ACTR3C: variants seen among roughly 807,000 people sequenced by gnomAD.
ACTR3C encodes the protein actin-related protein 3C.
ACTR3C carries 18 observed loss-of-function variants against 26.3 expected under a neutral mutation model. The observed-to-expected ratio is 0.68, with a 90% confidence interval of 0.47 to 1.01. The LOEUF (loss-of-function observed/expected upper bound fraction) is 1.01. Ranked by LOEUF, ACTR3C falls within the 50% of genes least tolerant of loss-of-function variation. The probability of loss-of-function intolerance (pLI) is 0.00; values close to 1 mark genes in which losing one functional copy is unlikely to be tolerated. For synonymous variants in ACTR3C, 55 were observed against 94.5 expected (o/e 0.58, Z 2.42); for missense variants, 184 against 250.7 (o/e 0.73, Z 1.80).
the ACTR3C span, among the ~76,000 whole-genome samples, chr7:150,231,054 TCTC>T: frequency 6.6e-6 from 1 of 152,316 alleles, no homozygotes; most frequent in Non-Finnish European, 1.5e-5. Flanking sequence ...TGGATCTTCT[TCTC>T]TTATATATTC....
the ACTR3C span, among the ~76,000 whole-genome samples, chr7:150,200,022 A>C: frequency 3.3e-5 from 5 of 152,236 alleles, no homozygotes; most frequent in African/African-American, 1.2e-4. Flanking sequence ...ATCAATGGGT[A>C]CAAGACCGAC....
At chr7:149,966,906 G>A in the ACTR3C span, among the ~76,000 whole-genome samples, 7 of 151,340 alleles carry the variant, frequency 4.6e-5, no homozygotes, top group South Asian at 8.4e-4. Context: ...CTGTCACCCC[G>A]ACTGGAGTGC....
the ACTR3C span, among the ~76,000 whole-genome samples, chr7:150,168,749 A>T: frequency 2.0e-5 from 3 of 150,758 alleles, no homozygotes; most frequent in Non-Finnish European, 4.4e-5. Flanking sequence ...AAGAGGCCCC[A>T]TCTCCAGCCC....
At chr7:150,150,308 G>A in the ACTR3C span, among the ~76,000 whole-genome samples, 10 of 152,292 alleles carry the variant, frequency 6.6e-5, no homozygotes, top group East Asian at 1.9e-4. Context: ...ATTTAGCATC[G>A]CTTGTTGACT....
intron 4 of ACTR3C, among the ~76,000 whole-genome samples, chr7:150,288,444 C>A (rs561938532): frequency 1.5e-5 from 2 of 134,388 alleles, no homozygotes; most frequent in South Asian, 5.7e-4. Flanking sequence ...GAGACGAGAT[C>A]TCGCTATATC....
At chr7:149,982,566 G>A in the ACTR3C span, among the ~76,000 whole-genome samples, 2 of 152,104 alleles carry the variant, frequency 1.3e-5, no homozygotes, top group African/African-American at 4.8e-5. Context: ...CTTCCTCAAG[G>A]AAACTCAGCC....
intron 6 of ACTR3C, among the ~76,000 whole-genome samples, chr7:150,256,173 T>C (rs1344471193): frequency 2.0e-5 from 3 of 152,228 alleles, no homozygotes; most frequent in Non-Finnish European, 4.4e-5. Context: ...CAGTCCTCCA[T>C]GGATGGACAT....
the ACTR3C span, among the ~76,000 whole-genome samples, chr7:150,139,606 T>C: frequency 2.6e-5 from 4 of 152,290 alleles, no homozygotes; most frequent in Non-Finnish European, 5.9e-5. Flanking sequence ...TTCTTAAAAA[T>C]AGCTCAGAGC....
At chr7:150,039,786 A>G in the ACTR3C span, among the ~76,000 whole-genome samples, 9 of 88,742 alleles carry the variant, frequency 1.0e-4, no homozygotes, top group Non-Finnish European at 2.3e-4. Flanking sequence ...CAGGGGGGGA[A>G]GAGGGACTGG....
chr7:150,201,266 G>A, the ACTR3C span, among the ~76,000 whole-genome samples: 1 of 152,272 alleles, frequency 6.6e-6, no homozygotes, highest in East Asian at 1.9e-4. Context: ...GGCCACATCT[G>A]TTCCAGGTGT....
At chr7:150,150,450 A>G in the ACTR3C span, among the ~76,000 whole-genome samples, 1 of 151,648 alleles carries the variant, frequency 6.6e-6, no homozygotes, top group Non-Finnish European at 1.5e-5. Flanking sequence ...TCACCCTCTT[A>G]GTGTCAAATC....
chr7:150,066,338 G>A, the ACTR3C span, among the ~76,000 whole-genome samples: 3 of 152,196 alleles, frequency 2.0e-5, no homozygotes, highest in Admixed American at 6.5e-5. Context: ...AACTGGAACA[G>A]GCCTCATGCC....
At chr7:150,221,274 T>TTCTTTC in the ACTR3C span, among the ~76,000 whole-genome samples, 1 of 150,918 alleles carries the variant, frequency 6.6e-6, no homozygotes, top group Non-Finnish European at 1.5e-5. Flanking sequence ...AAGAGTTTTT[T>TTCTTTC]TTTCTTTCTT....
the ACTR3C span, among the ~76,000 whole-genome samples, chr7:150,037,751 CA>C: frequency 8.9e-4 from 40 of 44,850 alleles, no homozygotes; most frequent in Middle Eastern, 0.015. Context: ...TCTCAGTCCC[CA>C]CCCTCGCGGG....
chr7:150,308,668 C>T (rs1345909069), intron 1 of ACTR3C, among the ~76,000 whole-genome samples: 1 of 152,014 alleles, frequency 6.6e-6, no homozygotes, highest in Non-Finnish European at 1.5e-5. Flanking sequence ...CACTCCTTGA[C>T]AGGCTGAATC....
chr7:150,121,329 C>A, the ACTR3C span, among the ~76,000 whole-genome samples: 189 of 152,240 alleles, frequency 1.2e-3, no homozygotes, highest in African/African-American at 4.2e-3. Flanking sequence ...ATTTAGAAAA[C>A]CCCATTGCCT....
At chr7:149,970,622 G>C in the ACTR3C span, among the ~76,000 whole-genome samples, 1 of 152,102 alleles carries the variant, frequency 6.6e-6, no homozygotes, top group South Asian at 2.1e-4. Context: ...CTTAAAGGTC[G>C]ATTTCCCCTT....
chr7:150,179,390 G>T, the ACTR3C span, among the ~76,000 whole-genome samples: 1 of 121,660 alleles, frequency 8.2e-6, no homozygotes, highest in African/African-American at 3.6e-5. Context: ...TTTCAGTTAA[G>T]ATCCTTCCAG....
the ACTR3C span, among the ~76,000 whole-genome samples, chr7:150,034,224 G>A: frequency 6.6e-6 from 1 of 151,840 alleles, no homozygotes; most frequent in Non-Finnish European, 1.5e-5. Context: ...TTGCTGCCAA[G>A]GCCCTCAAAT....
Sources: allele counts gnomAD v4.1 joint callset (sites outside exome capture counted in the v4.1 genomes callset), GRCh38; gene constraint gnomAD v4.1.1; transcripts MANE v1.5; gene names NCBI Gene and HGNC (gene_info 2026-07-23, HGNC 2026-07-21).